Variants in GGTA1 observed in about 807,000 individuals in gnomAD.
GGTA1 encodes inactive N-acetyllactosaminide alpha-1,3-galactosyltransferase.
In GGTA1, 5 loss-of-function variants were observed where a neutral mutation model predicts 2.6. The ratio of observed to expected loss-of-function variants is 1.92; its 90% CI spans 1.00 to 4.04. The LOEUF (loss-of-function observed/expected upper bound fraction) is 4.04. Ranked by LOEUF, GGTA1 falls within the 30% of genes most tolerant of loss-of-function variation. The pLI is 0.00. For missense variants in GGTA1, 50 were observed against 16.7 expected, an observed-to-expected ratio of 2.99 and a Z score of -3.47; for synonymous variants, 17 against 5.0, an observed-to-expected ratio of 3.38 and a Z score of -3.19.
intron 1 of GGTA1, among the ~76,000 whole-genome samples, chr9:121,471,921 C>T (rs541352169): frequency 2.6e-4 from 40 of 152,336 alleles, no homozygotes; most frequent in Middle Eastern, 3.4e-3. Context: ...GCTGTGGCCA[C>T]CTCTCTGTGC....
At chr9:121,481,005 T>G (rs1828631931) in intron 1 of GGTA1, among the ~76,000 whole-genome samples, 1 of 151,458 alleles carries the variant, frequency 6.6e-6, no homozygotes, top group Non-Finnish European at 1.5e-5. Flanking sequence ...TACAGAAAAT[T>G]AGCCAGGTGT....
At chr9:121,495,647 C>T (rs1210325833) in intron 1 of GGTA1, among the ~76,000 whole-genome samples, 1 of 152,232 alleles carries the variant, frequency 6.6e-6, no homozygotes, top group Non-Finnish European at 1.5e-5. Flanking sequence ...CAAAACTGCT[C>T]TCAGTATGTT....
At position 121,491,700 on chromosome 9, in the gene GGTA1, C is replaced by T. The variant is rs536759337; in HGVS notation, c.-10+7950G>A. On this transcript the variant is annotated intron_variant, in intron 1 of 5. Transcript: ENST00000481799. ...TCTCAGCTCACTGCAACCTCTGCCT[C>T]TTGGGTTCAAGTGATTCTCATGCCT... Among the ~76,000 whole-genome samples, 315 of 152,080 alleles carry T rather than the reference C, an allele frequency of 2.1e-3. 4 individuals are homozygous for T. Among genetic ancestry groups the T allele is most frequent in the African/African-American group, 7.0e-3 (291 of 41,450 alleles).
At chr9:121,490,551 C>G (rs1039747154) in intron 1 of GGTA1, among the ~76,000 whole-genome samples, 4 of 152,168 alleles carry the variant, frequency 2.6e-5, no homozygotes, top group African/African-American at 9.7e-5. Flanking sequence ...CACAACGGGC[C>G]GGATCCTCCC....
At chr9:121,485,739 G>A (rs914446309) in intron 1 of GGTA1, among the ~76,000 whole-genome samples, 6 of 152,122 alleles carry the variant, frequency 3.9e-5, no homozygotes, top group Admixed American at 6.6e-5. Flanking sequence ...GCAGAGCAGG[G>A]CCTTGGGCTT....
At chr9:121,481,996 CAA>C (rs56016550) in intron 1 of GGTA1, among the ~76,000 whole-genome samples, 16 of 129,016 alleles carry the variant, frequency 1.2e-4, no homozygotes, top group Non-Finnish European at 1.0e-4. Flanking sequence ...AACTCTGTCT[CAA>C]AAAAAAAAAA....
At chr9:121,452,748 A>G (rs1482950857), downstream of GGTA1, among the ~76,000 whole-genome samples, 5 of 151,962 alleles carry the variant, frequency 3.3e-5, no homozygotes, top group East Asian at 9.7e-4. Context: ...TGAACTCCTG[A>G]CCTCAGGTGA....
chr9:121,475,557 A>G (rs1289473322), intron 1 of GGTA1, among the ~76,000 whole-genome samples: 4 of 152,260 alleles, frequency 2.6e-5, no homozygotes, highest in African/African-American at 7.2e-5. Flanking sequence ...ACAAATGAGT[A>G]AGGAGAGTTC....
downstream of GGTA1, among the ~76,000 whole-genome samples, chr9:121,453,521 G>T (rs912667055): frequency 2.6e-5 from 4 of 152,228 alleles, no homozygotes; most frequent in Admixed American, 6.5e-5. Flanking sequence ...CATTTTCCCC[G>T]TTGGGAAGCA....
chr9:121,461,020 T>C (rs755284636), intron 4 of GGTA1, among the ~76,000 whole-genome samples: 1 of 152,170 alleles, frequency 6.6e-6, no homozygotes, highest in Non-Finnish European at 1.5e-5. Flanking sequence ...GAAGCTGCAG[T>C]GAGCTATGTT....
chr9:121,466,950 TC>T (rs1157641280), intron 2 of GGTA1, among the ~76,000 whole-genome samples: 3 of 126,702 alleles, frequency 2.4e-5, no homozygotes, highest in African/African-American at 9.0e-5. Context: ...AGAGACTCTG[TC>T]TCAAAAAAAA....
At chr9:121,458,906 C>T (rs1270356985) in intron 5 of GGTA1, among the ~76,000 whole-genome samples, 1 of 152,176 alleles carries the variant, frequency 6.6e-6, no homozygotes, top group Admixed American at 6.5e-5. Context: ...GCCCATCTAG[C>T]CTGTCCCTGG....
At chr9:121,463,696 C>G (rs1030436565) in intron 2 of GGTA1, among the ~76,000 whole-genome samples, 1 of 152,098 alleles carries the variant, frequency 6.6e-6, no homozygotes, top group South Asian at 2.1e-4. Context: ...GCCTCAAATT[C>G]TGTTTTGTTT....
At chr9:121,479,860 T>G (rs1378350851) in intron 1 of GGTA1, among the ~76,000 whole-genome samples, 1 of 152,130 alleles carries the variant, frequency 6.6e-6, no homozygotes, top group Non-Finnish European at 1.5e-5. Context: ...AACACTACAT[T>G]TTTATAGAAT....
At chr9:121,493,201 T>G (rs1223876196) in intron 1 of GGTA1, among the ~76,000 whole-genome samples, 3 of 151,952 alleles carry the variant, frequency 2.0e-5, no homozygotes. Context: ...GCCTCTTCCA[T>G]TTCCTGCTTT....
chr9:121,451,937 G>C (rs967486776), downstream of GGTA1: 1 of 152,150 alleles, frequency 6.6e-6, no homozygotes, highest in African/African-American at 2.4e-5. Flanking sequence ...TTTTGAGGTA[G>C]GAATGAGTGG....
intron 1 of GGTA1, among the ~76,000 whole-genome samples, chr9:121,493,459 T>G (rs116784273): frequency 1.1e-4 from 16 of 152,242 alleles, no homozygotes; most frequent in African/African-American, 3.9e-4. Context: ...ACATGCAAAA[T>G]GGGGAAAATC....
chr9:121,467,450 A>G (rs1030859320), intron 2 of GGTA1, among the ~76,000 whole-genome samples: 5 of 152,174 alleles, frequency 3.3e-5, no homozygotes, highest in African/African-American at 4.8e-5. Flanking sequence ...AAACTCTGCA[A>G]ATATTTCAGG....
At chr9:121,496,509 T>G (rs965375978) in intron 1 of GGTA1, among the ~76,000 whole-genome samples, 2 of 151,752 alleles carry the variant, frequency 1.3e-5, no homozygotes, top group African/African-American at 4.8e-5. Context: ...GGTGGTCAGA[T>G]CACAAGGTCA....
Sources: gnomAD v4.1 joint callset for allele counts (sites outside exome capture counted in the v4.1 genomes callset) on GRCh38, gnomAD v4.1.1 for gene constraint, MANE v1.5 for transcripts, NCBI Gene and HGNC (gene_info 2026-07-23, HGNC 2026-07-21) for gene names.